The following IL1RAPL1 variants were observed in gnomAD, a reference collection of about 807,000 sequenced individuals.
The protein encoded by IL1RAPL1 is interleukin 1 receptor accessory protein like 1, also known as interleukin-1 receptor accessory protein-like 1.
In IL1RAPL1, 3 loss-of-function variants were observed where a neutral mutation model predicts 48.4. The observed-to-expected ratio is 0.06, with a 90% confidence interval of 0.03 to 0.16. The LOEUF is 0.16. Ranked by LOEUF, IL1RAPL1 falls within the 10% of genes least tolerant of loss-of-function variation. The pLI, the probability that IL1RAPL1 is intolerant of heterozygous loss-of-function variation, is 1.00. For synonymous variants in IL1RAPL1, 185 were observed against 187.7 expected, an observed-to-expected ratio of 0.99 and a Z score of 0.12; for missense variants, 349 against 530.6, an observed-to-expected ratio of 0.66 and a Z score of 3.36.
chrX:29,886,606 C>T (rs369514289), intron 6 of IL1RAPL1, among the ~76,000 whole-genome samples: 2 of 112,172 alleles, frequency 1.8e-5, no homozygotes, highest in East Asian at 5.6e-4. Flanking sequence ...CCGCTAATAA[C>T]TTAATGACAA....
At chrX:29,236,638 C>T (rs1468315412) in intron 2 of IL1RAPL1, among the ~76,000 whole-genome samples, 1 of 67,486 alleles carries the variant, frequency 1.5e-5, no homozygotes, top group African/African-American at 5.4e-5. Flanking sequence ...CTGCAAGCTC[C>T]GCCTCCTGGG....
chrX:28,726,858 A>G (rs1469468940), intron 1 of IL1RAPL1, among the ~76,000 whole-genome samples: 1 of 111,743 alleles, frequency 8.9e-6, no homozygotes, highest in African/African-American at 3.3e-5. Context: ...TAAACACTAT[A>G]TTGCACAGCT....
At chrX:29,584,156 T>C (rs1440170297) in intron 5 of IL1RAPL1, among the ~76,000 whole-genome samples, 1 of 111,137 alleles carries the variant, frequency 9.0e-6, no homozygotes, top group African/African-American at 3.3e-5. Flanking sequence ...GTCTTCCCAG[T>C]ATGTAACCAC....
At position 28,776,546 on chromosome X, in the gene IL1RAPL1, ATAG is replaced by A. The variant is rs769837894; in HGVS notation, c.-24-12770_-24-12768del. ...TTGCAAGCCCACAGTTTCCAGAGAAATAGTAGCATAGTCTGCAGGTTGAACATT... is the reference window on the plus strand; with the variant it reads ...TTGCAAGCCCACAGTTTCCAGAGAAATAGCATAGTCTGCAGGTTGAACATT... On this transcript the variant is annotated intron_variant, in intron 1 of 10. Transcript: ENST00000378993. Among the ~76,000 whole-genome samples the A allele has an allele frequency of 1.6e-4, 18 of 112,093 alleles. No individual in the cohort carries two copies. The East Asian group carries it at 5.1e-3, about 31-fold the overall frequency.
At chrX:29,285,975 A>C (rs1421652930) in intron 3 of IL1RAPL1, among the ~76,000 whole-genome samples, 2 of 111,996 alleles carry the variant, frequency 1.8e-5, no homozygotes, top group African/African-American at 6.5e-5. Flanking sequence ...TCCACTTGCA[A>C]AGAATTTTAG....
At chrX:29,616,945 C>T (rs1011371201) in intron 5 of IL1RAPL1, among the ~76,000 whole-genome samples, 3 of 111,234 alleles carry the variant, frequency 2.7e-5, no homozygotes, top group Non-Finnish European at 5.7e-5. Context: ...ATTGTATAAC[C>T]ATTTATTGAT....
intron 5 of IL1RAPL1, among the ~76,000 whole-genome samples, chrX:29,477,919 G>T (rs975928882): frequency 8.9e-6 from 1 of 112,060 alleles, no homozygotes; most frequent in Non-Finnish European, 1.9e-5. Context: ...ATAAAGACTT[G>T]CAGCAAACCA....
At chrX:29,921,409 A>G (rs911139808) in intron 8 of IL1RAPL1, among the ~76,000 whole-genome samples, 1 of 111,912 alleles carries the variant, frequency 8.9e-6, no homozygotes, top group Non-Finnish European at 1.9e-5. Flanking sequence ...TTTGAATAAT[A>G]TTACTGAATG....
intron 1 of IL1RAPL1, among the ~76,000 whole-genome samples, chrX:28,596,402 C>T (rs1439384524): frequency 9.2e-6 from 1 of 108,426 alleles, no homozygotes; most frequent in Non-Finnish European, 1.9e-5. Context: ...CCCTTCCTTC[C>T]ACCTCTATCA....
At chrX:28,599,206 T>C (rs1371878989) in intron 1 of IL1RAPL1, among the ~76,000 whole-genome samples, 2 of 101,629 alleles carry the variant, frequency 2.0e-5, no homozygotes, top group African/African-American at 7.3e-5. Context: ...GATTGCACCA[T>C]GCACCATTGC....
Position 28,654,238 on chromosome X carries a change from C to T in IL1RAPL1, c.-25+66191C>T, listed in dbSNP as rs1278306614. Among the ~76,000 whole-genome samples the T allele has an allele frequency of 4.7e-5, 5 of 106,799 alleles. No individual in the cohort carries two copies. In the Admixed American group the frequency reaches 5.2e-4, roughly 11 times the overall value. The allele number at this position is 106,799 out of a possible 115,157, so 92.7% of individuals were successfully genotyped here. On this transcript the variant is annotated intron_variant, in intron 1 of 10. Transcript: ENST00000378993. ...AACACACACGAACAAACAAACAAAA[C>T]CTTAAGGGTCTTTAAAAAATAATAA...
At chrX:29,176,117 G>A (rs749939642) in intron 2 of IL1RAPL1, among the ~76,000 whole-genome samples, 1 of 91,017 alleles carries the variant, frequency 1.1e-5, no homozygotes, top group East Asian at 3.5e-4. Flanking sequence ...TTTTTGATAC[G>A]GAGTCTTGCT....
intron 3 of IL1RAPL1, among the ~76,000 whole-genome samples, chrX:29,335,839 A>G (rs1932985433): frequency 9.0e-6 from 1 of 111,278 alleles, no homozygotes; most frequent in Non-Finnish European, 1.9e-5. Flanking sequence ...TAGATGTTGA[A>G]TTTGTTAGAA....
intron 2 of IL1RAPL1, among the ~76,000 whole-genome samples, chrX:29,052,417 A>G (rs1927113528): frequency 9.0e-6 from 1 of 111,571 alleles, no homozygotes; most frequent in African/African-American, 3.3e-5. Context: ...CCATCTTCAC[A>G]TTTAAAATTC....
At chrX:29,897,566 C>G (rs1339772826) in intron 6 of IL1RAPL1, among the ~76,000 whole-genome samples, 3 of 112,207 alleles carry the variant, frequency 2.7e-5, no homozygotes, top group African/African-American at 9.7e-5. Context: ...TACCAAATCC[C>G]TGTTTTTGGA....
chrX:29,755,628 C>A, intron 6 of IL1RAPL1, among the ~76,000 whole-genome samples: 1 of 112,215 alleles, frequency 8.9e-6, no homozygotes, highest in Non-Finnish European at 1.9e-5. Context: ...AAAGAAAGTG[C>A]TCATTAAATG....
chrX:29,925,071 A>G (rs1932874917), intron 8 of IL1RAPL1, among the ~76,000 whole-genome samples: 1 of 111,495 alleles, frequency 9.0e-6, no homozygotes, highest in South Asian at 3.8e-4. Flanking sequence ...GAGTTACAGT[A>G]AGGTCATAAA....
At chrX:29,028,279 G>GT (rs1253980706) in intron 2 of IL1RAPL1, among the ~76,000 whole-genome samples, 9 of 94,573 alleles carry the variant, frequency 9.5e-5, no homozygotes, top group South Asian at 9.8e-4. Flanking sequence ...ACGCCCTACT[G>GT]TTTTTTTTGT....
intron 2 of IL1RAPL1, among the ~76,000 whole-genome samples, chrX:28,930,260 A>T (rs182182208): frequency 7.2e-4 from 81 of 112,291 alleles, no homozygotes; most frequent in East Asian, 2.6e-3. Flanking sequence ...GCTATTTTTT[A>T]AAAAAAATTT....
Sources: gnomAD v4.1 joint callset for allele counts (sites outside exome capture counted in the v4.1 genomes callset) on GRCh38, gnomAD v4.1.1 for gene constraint, MANE v1.5 for transcripts, NCBI Gene and HGNC (gene_info 2026-07-23, HGNC 2026-07-21) for gene names.